KLF8: variants seen among roughly 807,000 people sequenced by gnomAD.
KLF8 encodes the protein Krueppel-like factor 8.
A neutral mutation model predicts 18.2 loss-of-function variants in KLF8; 10 were observed. The observed-to-expected ratio is 0.55, with a 90% CI of 0.34 to 0.93. KLF8 has a LOEUF of 0.93. Among genes scored for constraint, KLF8 ranks in the 40% least tolerant of loss-of-function variants. The probability of loss-of-function intolerance (pLI) is 0.02; values close to 1 mark genes in which losing one functional copy is unlikely to be tolerated. For synonymous variants in KLF8, 109 were observed against 97.3 expected (o/e 1.12, Z -0.71); for missense variants, 264 against 277.9 (o/e 0.95, Z 0.36).
chrX:56,043,313 G>A, the KLF8 span, among the ~76,000 whole-genome samples: 1 of 109,809 alleles, frequency 9.1e-6, no homozygotes, highest in East Asian at 2.9e-4. Flanking sequence ...TTCTCATGGA[G>A]TATCTTACAG....
the KLF8 span, among the ~76,000 whole-genome samples, chrX:55,997,696 G>C: frequency 2.7e-5 from 3 of 111,698 alleles, no homozygotes; most frequent in Non-Finnish European, 5.6e-5. Flanking sequence ...GCTGCATACA[G>C]TCAGCATTCT....
At chrX:56,173,229 T>A in the KLF8 span, among the ~76,000 whole-genome samples, 1 of 112,137 alleles carries the variant, frequency 8.9e-6, no homozygotes, top group African/African-American at 3.2e-5. Flanking sequence ...TTTTATGGTT[T>A]TGGGTCTAAC....
the KLF8 span, among the ~76,000 whole-genome samples, chrX:56,176,470 C>A: frequency 8.9e-6 from 1 of 111,845 alleles, no homozygotes; most frequent in Admixed American, 9.6e-5. Context: ...GCTGAGAGAT[C>A]ATCTGTTTGT....
intron 3 of KLF8, chrX:56,268,028 C>T (rs2147658760): frequency 9.0e-6 from 1 of 110,745 alleles, no homozygotes; most frequent in African/African-American, 3.3e-5. Context: ...TTTTAGATTC[C>T]ACATATGAGT....
chrX:56,168,954 G>A, the KLF8 span, among the ~76,000 whole-genome samples: 3 of 111,647 alleles, frequency 2.7e-5, no homozygotes, highest in Non-Finnish European at 3.8e-5. Flanking sequence ...CATATTTCCT[G>A]ATTTCAAGCT....
At chrX:56,227,782 C>T (rs1239065465), upstream of KLF8, among the ~76,000 whole-genome samples, 1 of 109,835 alleles carries the variant, frequency 9.1e-6, no homozygotes, top group Admixed American at 9.8e-5. Context: ...TATAAAGTCT[C>T]TTCCCTCTTC....
chrX:55,952,281 T>C, the KLF8 span, among the ~76,000 whole-genome samples: 1 of 112,204 alleles, frequency 8.9e-6, no homozygotes, highest in African/African-American at 3.2e-5. Context: ...TCCAATCACT[T>C]ATTCATTTAT....
chrX:56,082,443 C>G, the KLF8 span, among the ~76,000 whole-genome samples: 1 of 107,426 alleles, frequency 9.3e-6, no homozygotes, highest in South Asian at 3.9e-4. Flanking sequence ...TTTTTCTTTT[C>G]TCTATTTTAT....
the KLF8 span, among the ~76,000 whole-genome samples, chrX:56,155,372 A>C: frequency 9.0e-6 from 1 of 110,858 alleles, no homozygotes; most frequent in Middle Eastern, 4.7e-3. Context: ...ACCAAACATC[A>C]CATGTTCTCT....
chrX:56,184,838 C>G, the KLF8 span, among the ~76,000 whole-genome samples: 1 of 112,206 alleles, frequency 8.9e-6, no homozygotes, highest in Non-Finnish European at 1.9e-5. Flanking sequence ...GGAAAACTAA[C>G]AAACAGAAAG....
the KLF8 span, among the ~76,000 whole-genome samples, chrX:56,129,702 C>T: frequency 1.8e-5 from 2 of 110,218 alleles, no homozygotes; most frequent in African/African-American, 6.8e-5. Flanking sequence ...AAATCCAGTG[C>T]GCAGACTCAA....
chrX:56,139,125 T>C, the KLF8 span, among the ~76,000 whole-genome samples: 1 of 110,160 alleles, frequency 9.1e-6, no homozygotes, highest in Non-Finnish European at 1.9e-5. Context: ...ACAAAGAAAA[T>C]TACAAAACAC....
chrX:55,926,038 C>T, the KLF8 span, among the ~76,000 whole-genome samples: 3 of 111,467 alleles, frequency 2.7e-5, no homozygotes, highest in Non-Finnish European at 5.6e-5. Context: ...GTTATTTTAG[C>T]ACCATATTCT....
the KLF8 span, among the ~76,000 whole-genome samples, chrX:56,041,078 G>T: frequency 7.5e-5 from 8 of 107,212 alleles, no homozygotes; most frequent in African/African-American, 2.7e-4. Context: ...TCTGATGGTT[G>T]TTTGTATTTC....
At chrX:56,080,848 A>C in the KLF8 span, among the ~76,000 whole-genome samples, 5 of 110,338 alleles carry the variant, frequency 4.5e-5, no homozygotes, top group African/African-American at 1.7e-4. Flanking sequence ...TAGCTCATTT[A>C]TTTTTATTCT....
chrX:56,013,287 G>T, the KLF8 span, among the ~76,000 whole-genome samples: 1 of 112,442 alleles, frequency 8.9e-6, no homozygotes, highest in Non-Finnish European at 1.9e-5. Flanking sequence ...CTTGGAATTG[G>T]TGTATTTACT....
chrX:56,144,798 G>GTTTA, the KLF8 span, among the ~76,000 whole-genome samples: 143 of 106,466 alleles, frequency 1.3e-3, no homozygotes, highest in Non-Finnish European at 2.5e-3. Context: ...GTGTTTGTTT[G>GTTTA]TTTGTTTGTT....
the KLF8 span, among the ~76,000 whole-genome samples, chrX:56,186,452 C>A: frequency 1.8e-5 from 2 of 111,127 alleles, no homozygotes; most frequent in Admixed American, 9.6e-5. Flanking sequence ...CCACTGTCAA[C>A]GTTAGACAGA....
At chrX:56,123,714 G>A in the KLF8 span, among the ~76,000 whole-genome samples, 3 of 112,013 alleles carry the variant, frequency 2.7e-5, no homozygotes, top group Admixed American at 1.9e-4. Context: ...TCTAAGATGG[G>A]ATACTGTGAC....
Sources: gnomAD v4.1 joint callset for allele counts (sites outside exome capture counted in the v4.1 genomes callset) on GRCh38, gnomAD v4.1.1 for gene constraint, MANE v1.5 for transcripts, NCBI Gene and HGNC (gene_info 2026-07-23, HGNC 2026-07-21) for gene names.